Variants in STAG2 observed in about 807,000 individuals in gnomAD.
STAG2 encodes the protein cohesin subunit SA-2.
STAG2 carries 14 observed loss-of-function variants against 108.1 expected under a neutral mutation model. The observed-to-expected ratio is 0.13, with a 90% CI of 0.09 to 0.20. The LOEUF (loss-of-function observed/expected upper bound fraction) is 0.20. STAG2 is among the 10% of genes least tolerant of loss of function. The probability of loss-of-function intolerance (pLI) is 1.00; values close to 1 mark genes in which losing one functional copy is unlikely to be tolerated. For synonymous variants in STAG2, 307 were observed against 302.7 expected, an observed-to-expected ratio of 1.01 and a Z score of -0.15; for missense variants, 440 against 940.9, an observed-to-expected ratio of 0.47 and a Z score of 6.96.
Position 124,004,134 on chromosome X carries a change from T to C in STAG2, c.-162-17233T>C, listed in dbSNP as rs771923463. Reference sequence around the variant, plus strand: ...TGAAAACTTTCTAGAGGTTCATATTTATTGGCATTTGACCTAGAGTCTTCC... The same window carrying C: ...TGAAAACTTTCTAGAGGTTCATATTCATTGGCATTTGACCTAGAGTCTTCC... On this transcript the variant is annotated intron_variant, in intron 1 of 34. Transcript: ENST00000371145. Among the ~76,000 whole-genome samples, 4 of 112,012 alleles carry C rather than the reference T, an allele frequency of 3.6e-5. No individual in the cohort carries two copies. In the Admixed American group the frequency reaches 3.8e-4, roughly 11 times the overall value.
In STAG2 at chrX:124,101,795, T is replaced by C; in HGVS notation, c.*1198T>C. The C allele has an allele frequency of 6.1e-6, 1 of 162,945 alleles. No homozygotes were observed. Among genetic ancestry groups the C allele is most frequent in the East Asian group, 9.2e-5 (1 of 10,894 alleles). 13.4% of individuals were successfully genotyped at this position (162,945 alleles called of 1,213,427 possible). A position where few individuals can be genotyped will look rare whatever the true frequency, so the allele number is the denominator to read the frequency against. ...ATAACCCATAATATTCTTTGAAAGC[T>C]AAGCTTTAAACTTCATTTTATGTCC... On this transcript the variant is annotated 3_prime_UTR_variant, in exon 35 of 35. Transcript: ENST00000371145.
Position 124,027,210 on chromosome X carries a change from C to T in STAG2, c.123+1292C>T, listed in dbSNP as rs187969100. The stretch of plus-strand genomic sequence containing the variant: ...TGGGATTTACAGGTGTGAGCCACCA[C>T]GCCTGGCCATTCTCTTGTGATTTCT... On this transcript the variant is annotated intron_variant, in intron 4 of 34. Coordinates refer to ENST00000371145, the MANE Select transcript of STAG2 (RefSeq NM_001042750.2). 3.8e-3 allele frequency among the ~76,000 whole-genome samples: 432 copies of T among 112,244 alleles called. 1 individual carries two copies. Among genetic ancestry groups the T allele is most frequent in the African/African-American group, 0.013 (400 of 30,919 alleles).
chrX:124,075,235 T>C, intron 25 of STAG2, among the ~76,000 whole-genome samples: 1 of 112,296 alleles, frequency 8.9e-6, no homozygotes, highest in Non-Finnish European at 1.9e-5. Context: ...AAATGGCTAA[T>C]AAACATAAAC....
intron 25 of STAG2, among the ~76,000 whole-genome samples, chrX:124,073,979 TTTTA>T (rs1198396016): frequency 8.9e-6 from 1 of 112,717 alleles, no homozygotes; most frequent in Non-Finnish European, 1.9e-5. Context: ...TTCAATTTTA[TTTTA>T]CTAAGAATTT....
intron 1 of STAG2, among the ~76,000 whole-genome samples, chrX:123,993,336 C>T (rs2055570696): frequency 9.0e-6 from 1 of 111,441 alleles, no homozygotes; most frequent in Non-Finnish European, 1.9e-5. Flanking sequence ...GGGGAAGATC[C>T]CAGTGGTGAG....
chrX:124,076,600 G>A, intron 26 of STAG2, 129 bp downstream of exon 26: 1 of 657,847 alleles, frequency 1.5e-6, no homozygotes, highest in Non-Finnish European at 2.1e-6. Flanking sequence ...AAAATATTTA[G>A]TGTTTTCAAT....
intron 1 of STAG2, among the ~76,000 whole-genome samples, chrX:123,999,679 T>C (rs1454102503): frequency 9.0e-6 from 1 of 111,388 alleles, no homozygotes; most frequent in Non-Finnish European, 1.9e-5. Flanking sequence ...TGGTGCTATC[T>C]CGGCTCACTG....
At position 124,034,759 on chromosome X, in the gene STAG2, A is replaced by C. The variant is rs979283301; in HGVS notation, c.289-2768A>C. Reference sequence around the variant, plus strand: ...CTTATCTTTTCATTATATAGCACTTATACTGTGCCTGACTTTGACTCTAGA... The same window carrying C: ...CTTATCTTTTCATTATATAGCACTTCTACTGTGCCTGACTTTGACTCTAGA... On this transcript the variant is annotated intron_variant, in intron 5 of 34. Coordinates refer to ENST00000371145, the MANE Select transcript of STAG2 (RefSeq NM_001042750.2). Among the ~76,000 whole-genome samples the C allele has an allele frequency of 9.0e-5, 10 of 111,309 alleles. No homozygotes were observed. In the Admixed American group the frequency reaches 9.6e-4, roughly 11 times the overall value.
intron 23 of STAG2, among the ~76,000 whole-genome samples, chrX:124,068,269 T>C (rs774641729): frequency 8.1e-5 from 9 of 111,496 alleles, no homozygotes; most frequent in Admixed American, 7.7e-4. Flanking sequence ...GTGGCTTTAT[T>C]AAAGATTGCC....
rs780246139 is a variant in STAG2 at position 124,049,433 on chromosome X, A to G, written c.893+355A>G. On this transcript the variant is annotated intron_variant, in intron 10 of 34. Coordinates refer to ENST00000371145, the MANE Select transcript of STAG2 (RefSeq NM_001042750.2). Reference sequence around the variant, plus strand: ...CTTCCATTGAATATCAGTGGGAACAATTGGATAGGTTAAAGTGAGATATTT... The same window carrying G: ...CTTCCATTGAATATCAGTGGGAACAGTTGGATAGGTTAAAGTGAGATATTT... 3.6e-4 allele frequency among the ~76,000 whole-genome samples: 40 copies of G among 112,233 alleles called. 1 individual carries two copies. Among genetic ancestry groups the G allele is most frequent in the Non-Finnish European group, 7.0e-4 (37 of 53,230 alleles).
At chrX:124,009,275 C>T (rs2056417245) in intron 1 of STAG2, among the ~76,000 whole-genome samples, 1 of 109,995 alleles carries the variant, frequency 9.1e-6, no homozygotes, top group Admixed American at 9.9e-5. Flanking sequence ...CTTCAGTCAT[C>T]TTAGAGCTCA....
intron 13 of STAG2, among the ~76,000 whole-genome samples, chrX:124,055,497 A>G (rs1359489417): frequency 8.9e-6 from 1 of 112,893 alleles, no homozygotes; most frequent in African/African-American, 3.2e-5. Context: ...GGCCTTAATG[A>G]TGATGATTTA....
At chrX:124,085,938 T>C (rs2059093511) in intron 29 of STAG2, among the ~76,000 whole-genome samples, 1 of 111,620 alleles carries the variant, frequency 9.0e-6, no homozygotes, top group South Asian at 3.8e-4. Context: ...AATTGCACTT[T>C]ACAGTTAATT....
intron 1 of STAG2, among the ~76,000 whole-genome samples, chrX:123,983,136 G>A (rs1217456635): frequency 9.0e-6 from 1 of 111,112 alleles, no homozygotes; most frequent in Non-Finnish European, 1.9e-5. Flanking sequence ...TTGTTTTTCA[G>A]CAAGGTATTG....
chrX:123,980,675 G>T (rs2054832734), intron 1 of STAG2, among the ~76,000 whole-genome samples: 1 of 111,525 alleles, frequency 9.0e-6, no homozygotes, highest in Non-Finnish European at 1.9e-5. Flanking sequence ...GGGACAGGAA[G>T]GGAGGGCATA....
intron 1 of STAG2, among the ~76,000 whole-genome samples, chrX:123,998,582 C>A (rs1438253981): frequency 2.8e-5 from 2 of 71,007 alleles, no homozygotes; most frequent in South Asian, 1.7e-3. Context: ...TTTTGTCTGT[C>A]TATCCATCTA....
At chrX:124,068,166 G>A (rs1294280555) in intron 23 of STAG2, among the ~76,000 whole-genome samples, 1 of 112,003 alleles carries the variant, frequency 8.9e-6, no homozygotes, top group Non-Finnish European at 1.9e-5. Flanking sequence ...GGAAGATGCT[G>A]TTTCTTTTTT....
At chrX:124,097,667 C>T (rs1436825055) in intron 34 of STAG2, 2 of 335,529 alleles carry the variant, frequency 6.0e-6, no homozygotes, top group South Asian at 2.6e-5. Context: ...TATTTTGATC[C>T]TCTCAGCAAC....
Position 124,101,242 on chromosome X carries a change from C to G in STAG2, c.*645C>G. The G allele has an allele frequency of 6.6e-6, 1 of 152,315 alleles. No individual in the cohort carries two copies. 12.6% of individuals were successfully genotyped at this position (152,315 alleles called of 1,213,427 possible). On this transcript the variant is annotated 3_prime_UTR_variant, in exon 35 of 35. Transcript: ENST00000371145. ...CTTCTCTATACTTTTCAGAAATATCCAGATGCAGTGAACTGCCAGAAGGTA... is the reference window on the plus strand; with the variant it reads ...CTTCTCTATACTTTTCAGAAATATCGAGATGCAGTGAACTGCCAGAAGGTA...
Sources: allele counts gnomAD v4.1 joint callset (sites outside exome capture counted in the v4.1 genomes callset), GRCh38; gene constraint gnomAD v4.1.1; transcripts MANE v1.5; gene names NCBI Gene and HGNC (gene_info 2026-07-23, HGNC 2026-07-21).